Variants in RAB38 observed in about 807,000 individuals in gnomAD.
RAB38 encodes RAB38, member RAS oncogene family, also known as ras-related protein Rab-38.
A neutral mutation model predicts 18.4 loss-of-function variants in RAB38; 15 were observed. The observed-to-expected ratio is 0.82, with a 90% CI of 0.55 to 1.26. The LOEUF (loss-of-function observed/expected upper bound fraction) is 1.26. Among genes scored for constraint, RAB38 ranks in the 50% most tolerant of loss-of-function variants. The pLI is 0.00. For synonymous variants in RAB38, 101 were observed against 104.4 expected (o/e 0.97, Z 0.20); for missense variants, 294 against 267.4 (o/e 1.10, Z -0.69).
intron 2 of RAB38, among the ~76,000 whole-genome samples, chr11:88,140,924 A>G (rs1428858915): frequency 6.6e-6 from 1 of 152,092 alleles, no homozygotes; most frequent in African/African-American, 2.4e-5. Flanking sequence ...TCCATTTCAG[A>G]TATGTTGGGT....
the RAB38 span, among the ~76,000 whole-genome samples, chr11:87,842,363 G>T: frequency 6.6e-6 from 1 of 152,112 alleles, no homozygotes; most frequent in Non-Finnish European, 1.5e-5. Flanking sequence ...GAGTTTGGGA[G>T]GGGGGTTTCA....
chr11:87,805,100 C>T, the RAB38 span, among the ~76,000 whole-genome samples: 6 of 152,168 alleles, frequency 3.9e-5, no homozygotes, highest in African/African-American at 1.4e-4. Flanking sequence ...TCAGAGGGCA[C>T]TGAAAAGCTA....
chr11:87,824,017 A>G, the RAB38 span, among the ~76,000 whole-genome samples: 4 of 152,148 alleles, frequency 2.6e-5, no homozygotes, highest in Non-Finnish European at 4.4e-5. Context: ...TTTTGGAAAA[A>G]ATATTGAAGT....
the RAB38 span, among the ~76,000 whole-genome samples, chr11:87,931,114 G>T: frequency 6.6e-6 from 1 of 152,068 alleles, no homozygotes; most frequent in African/African-American, 2.4e-5. Flanking sequence ...GTCATTGTTA[G>T]CTTGATGGGG....
rs192408367 is a variant in RAB38, at chr11:88,164,562, T to C, written c.202+10621A>G. Reference sequence around the variant, plus strand: ...AGAGGGTGTTTCATGACCAAAGCCATACACATGCCTATAGTAAACTGTGGT... The same window carrying C: ...AGAGGGTGTTTCATGACCAAAGCCACACACATGCCTATAGTAAACTGTGGT... On this transcript the variant is annotated intron_variant, in intron 1 of 2. Transcript: ENST00000243662. 4.6e-5 allele frequency among the ~76,000 whole-genome samples: 7 copies of C among 152,250 alleles called. No homozygotes were observed. The East Asian group carries it at 9.6e-4, about 21-fold the overall frequency.
At chr11:87,963,437 T>C in the RAB38 span, among the ~76,000 whole-genome samples, 1 of 152,108 alleles carries the variant, frequency 6.6e-6, no homozygotes. Context: ...AGTTCTAAGA[T>C]ACCTTAAATC....
the RAB38 span, among the ~76,000 whole-genome samples, chr11:88,086,897 T>C: frequency 6.6e-6 from 1 of 151,984 alleles, no homozygotes; most frequent in Admixed American, 6.6e-5. Context: ...ATAATAAACA[T>C]TCAATACACT....
the RAB38 span, among the ~76,000 whole-genome samples, chr11:87,860,173 GA>G: frequency 6.6e-6 from 1 of 151,816 alleles, no homozygotes; most frequent in African/African-American, 2.4e-5. Context: ...CTAGAGAAAG[GA>G]ATCATAAGGA....
chr11:87,969,813 A>T, the RAB38 span, among the ~76,000 whole-genome samples: 10 of 152,240 alleles, frequency 6.6e-5, no homozygotes, highest in Non-Finnish European at 1.3e-4. Context: ...TAGAATTGGC[A>T]ATTTTGTTTT....
chr11:87,848,331 G>A, the RAB38 span, among the ~76,000 whole-genome samples: 1 of 152,128 alleles, frequency 6.6e-6, no homozygotes. Flanking sequence ...CTGGCTTGCA[G>A]TCTGTCTTTA....
the RAB38 span, chr11:87,817,423 T>C: frequency 1.6e-4 from 24 of 152,326 alleles, no homozygotes; most frequent in African/African-American, 5.8e-4. Context: ...TTAAAACTCA[T>C]TTAAGTCATT....
the RAB38 span, among the ~76,000 whole-genome samples, chr11:87,878,570 G>A: frequency 5.7e-3 from 868 of 151,598 alleles, 6 homozygotes; most frequent in African/African-American, 0.018. Context: ...TGAGAATGTC[G>A]GAGGATGTTT....
the RAB38 span, among the ~76,000 whole-genome samples, chr11:87,886,220 T>C: frequency 1.3e-5 from 2 of 151,914 alleles, no homozygotes; most frequent in African/African-American, 2.4e-5. Flanking sequence ...CTTTTTCTCA[T>C]TCCTTTGACT....
chr11:88,116,021 T>C (rs545908422), intron 2 of RAB38, among the ~76,000 whole-genome samples: 1 of 152,354 alleles, frequency 6.6e-6, no homozygotes, highest in Non-Finnish European at 1.5e-5. Context: ...CCATCCCCTG[T>C]TGGGCAACTT....
chr11:87,975,236 T>A, the RAB38 span, among the ~76,000 whole-genome samples: 1 of 151,908 alleles, frequency 6.6e-6, no homozygotes, highest in East Asian at 1.9e-4. Context: ...TAGGTGCATC[T>A]GCGAAGAAAC....
At chr11:87,937,161 T>A in the RAB38 span, among the ~76,000 whole-genome samples, 2 of 151,656 alleles carry the variant, frequency 1.3e-5, no homozygotes, top group Non-Finnish European at 2.9e-5. Context: ...ATTATCTGAA[T>A]GAGTATTGAG....
At chr11:88,055,016 A>T in the RAB38 span, among the ~76,000 whole-genome samples, 1 of 152,234 alleles carries the variant, frequency 6.6e-6, no homozygotes, top group Admixed American at 6.5e-5. Context: ...ACCACCCAGA[A>T]CATTAGTTTC....
intron 2 of RAB38, among the ~76,000 whole-genome samples, chr11:88,115,021 G>T (rs778495326): frequency 2.1e-4 from 32 of 152,118 alleles, no homozygotes; most frequent in Non-Finnish European, 1.5e-5. Context: ...ACTTGAATTT[G>T]GAAAAAATAT....
chr11:88,166,399 T>G, intron 1 of RAB38: 1 of 152,090 alleles, frequency 6.6e-6, no homozygotes, highest in Non-Finnish European at 1.5e-5. Flanking sequence ...AAAATACGTT[T>G]TTAATTATTC....
Sources: allele counts gnomAD v4.1 joint callset (sites outside exome capture counted in the v4.1 genomes callset), GRCh38; gene constraint gnomAD v4.1.1; transcripts MANE v1.5; gene names NCBI Gene and HGNC (gene_info 2026-07-23, HGNC 2026-07-21).